LINGO2: variants seen among roughly 807,000 people sequenced by gnomAD.
LINGO2 encodes the protein leucine-rich repeat and immunoglobulin-like domain-containing nogo receptor-interacting protein 2.
A neutral mutation model predicts 30.6 loss-of-function variants in LINGO2; 14 were observed. The observed-to-expected ratio is 0.46, with a 90% CI of 0.30 to 0.72. LINGO2 has a LOEUF of 0.72. LINGO2 is among the 30% of genes least tolerant of loss of function. The probability of loss-of-function intolerance (pLI) is 0.07; values close to 1 mark genes in which losing one functional copy is unlikely to be tolerated. For missense variants in LINGO2, 729 were observed against 751.7 expected, an observed-to-expected ratio of 0.97 and a Z score of 0.35; for synonymous variants, 317 against 288.5, an observed-to-expected ratio of 1.10 and a Z score of -1.00.
At chr9:28,297,196 T>A (rs1157935460) in intron 3 of LINGO2, among the ~76,000 whole-genome samples, 1 of 152,156 alleles carries the variant, frequency 6.6e-6, no homozygotes, top group Non-Finnish European at 1.5e-5. Context: ...TGCCACTTAT[T>A]ATAAAAAAAG....
chr9:29,108,581 C>G, the LINGO2 span, among the ~76,000 whole-genome samples: 3 of 152,140 alleles, frequency 2.0e-5, no homozygotes, highest in African/African-American at 7.2e-5. Flanking sequence ...AGATTAGTAG[C>G]TAGGCTAATT....
chr9:28,060,051 G>T (rs13283159), intron 4 of LINGO2, among the ~76,000 whole-genome samples: 3,501 of 151,834 alleles, frequency 0.023, 61 homozygotes, highest in Middle Eastern at 0.037. Context: ...TTTAGAAAAT[G>T]GTTTTAATAA....
intron 3 of LINGO2, among the ~76,000 whole-genome samples, chr9:28,295,725 A>G (rs755933467): frequency 1.3e-5 from 2 of 152,124 alleles, no homozygotes; most frequent in Non-Finnish European, 1.5e-5. Context: ...TACCCATAAT[A>G]TTCTCAGGGT....
intron 2 of LINGO2, among the ~76,000 whole-genome samples, chr9:28,381,855 G>A (rs1821371779): frequency 6.6e-6 from 1 of 152,084 alleles, no homozygotes; most frequent in African/African-American, 2.4e-5. Context: ...ATGCTGCCCT[G>A]TGAGTCAATA....
At chr9:28,756,882 A>C in the LINGO2 span, among the ~76,000 whole-genome samples, 2 of 151,868 alleles carry the variant, frequency 1.3e-5, no homozygotes, top group African/African-American at 2.4e-5. Flanking sequence ...TCTTCGAATA[A>C]ATAACCTAGT....
the LINGO2 span, among the ~76,000 whole-genome samples, chr9:29,092,417 C>T: frequency 6.6e-6 from 1 of 151,708 alleles, no homozygotes; most frequent in Non-Finnish European, 1.5e-5. Flanking sequence ...AGGTTGTAGA[C>T]ATAAACCAAT....
intron 4 of LINGO2, among the ~76,000 whole-genome samples, chr9:28,107,693 G>A (rs1453792946): frequency 6.6e-6 from 1 of 152,068 alleles, no homozygotes; most frequent in East Asian, 1.9e-4. Flanking sequence ...AGAGGACAAA[G>A]CAAAAAGGGC....
At chr9:27,950,365 T>C in exon 6 of LINGO2, 7 of 1,614,154 alleles carry the variant, frequency 4.3e-6, no homozygotes, top group Non-Finnish European at 5.1e-6. Context: ...TTAAAGAGAT[T>C]GTTGAATGCT....
intron 1 of LINGO2, among the ~76,000 whole-genome samples, chr9:28,502,972 T>C (rs1221171647): frequency 1.3e-5 from 2 of 152,100 alleles, no homozygotes; most frequent in African/African-American, 4.8e-5. Context: ...TCAATAGCCA[T>C]GGCTCATTTA....
chr9:28,784,350 C>T, the LINGO2 span, among the ~76,000 whole-genome samples: 14 of 152,120 alleles, frequency 9.2e-5, no homozygotes, highest in Admixed American at 9.2e-4. Flanking sequence ...GAAAGAAGCT[C>T]TGGTATAATG....
At chr9:29,093,066 GAGAGAC>G in the LINGO2 span, among the ~76,000 whole-genome samples, 1 of 125,688 alleles carries the variant, frequency 8.0e-6, no homozygotes, top group Non-Finnish European at 1.7e-5. Context: ...TGGAGAGAGA[GAGAGAC>G]AGAGAGAGGG....
At chr9:29,201,324 C>G in the LINGO2 span, among the ~76,000 whole-genome samples, 3 of 152,046 alleles carry the variant, frequency 2.0e-5, no homozygotes, top group African/African-American at 7.2e-5. Context: ...ATTTTCATAA[C>G]AGCCTTATAG....
At chr9:28,609,018 G>A (rs1211638086) in intron 1 of LINGO2, among the ~76,000 whole-genome samples, 2 of 151,806 alleles carry the variant, frequency 1.3e-5, no homozygotes, top group African/African-American at 4.8e-5. Flanking sequence ...ATAGCTTCAA[G>A]GCTATTTCAA....
the LINGO2 span, among the ~76,000 whole-genome samples, chr9:28,887,892 T>A: frequency 6.6e-6 from 1 of 152,102 alleles, no homozygotes; most frequent in African/African-American, 2.4e-5. Context: ...TGGATTTAAT[T>A]TGCAAAAAAT....
In LINGO2 at chr9:28,049,530, GAA is replaced by G. The variant is rs1347164663; in HGVS notation, c.-86-37127_-86-37126del. Among the ~76,000 whole-genome samples, 2 of 150,512 alleles carry G rather than the reference GAA, an allele frequency of 1.3e-5. 1 individual carries two copies. Among genetic ancestry groups the G allele is most frequent in the East Asian group, 3.9e-4 (2 of 5,068 alleles). On this transcript the variant is annotated intron_variant, in intron 4 of 5. Transcript: ENST00000379992. ...AGGTAGGAAATAGCATGGTGAGTAAGAAATATGTTTGCAGTATGGAAGGGCAA... is the reference window on the plus strand; with the variant it reads ...AGGTAGGAAATAGCATGGTGAGTAAGATATGTTTGCAGTATGGAAGGGCAA...
In LINGO2 at chr9:28,197,880, A is replaced by C. The variant is rs73445960; in HGVS notation, c.-87+97328T>G. ...TTTGCATTAAAAAAAAAGACTATGAATCATCCTTACTCATTATAAGAGAAA... is the reference window on the plus strand; with the variant it reads ...TTTGCATTAAAAAAAAAGACTATGACTCATCCTTACTCATTATAAGAGAAA... On this transcript the variant is annotated intron_variant, in intron 4 of 5. Transcript: ENST00000379992. Among the ~76,000 whole-genome samples the C allele has an allele frequency of 5.4e-3, 818 of 152,088 alleles. 5 individuals carry two copies. The highest frequency in any genetic ancestry group is 0.019 in the African/African-American group (783 of 41,548).
the LINGO2 span, among the ~76,000 whole-genome samples, chr9:29,040,506 T>C: frequency 6.6e-5 from 10 of 151,584 alleles, no homozygotes; most frequent in Admixed American, 6.6e-4. Flanking sequence ...CCAATGTTCA[T>C]AACAGAACTT....
chr9:28,425,255 GTATTATA>G (rs1053841957), intron 2 of LINGO2, among the ~76,000 whole-genome samples: 24 of 146,998 alleles, frequency 1.6e-4, no homozygotes, highest in Non-Finnish European at 3.1e-4. Context: ...TTAAATATAT[GTATTATA>G]TATTATATAT....
intron 4 of LINGO2, among the ~76,000 whole-genome samples, chr9:28,191,897 C>T (rs1331491396): frequency 6.6e-6 from 1 of 152,082 alleles, no homozygotes; most frequent in East Asian, 1.9e-4. Context: ...ACTAAATCTG[C>T]CCAGTGCATG....
Sources: allele counts gnomAD v4.1 joint callset (sites outside exome capture counted in the v4.1 genomes callset), GRCh38; gene constraint gnomAD v4.1.1; transcripts MANE v1.5; gene names NCBI Gene and HGNC (gene_info 2026-07-23, HGNC 2026-07-21).